Variants in RLF observed in about 807,000 individuals in gnomAD.
RLF encodes the protein zinc finger protein Rlf.
RLF carries 7 observed loss-of-function variants against 162.9 expected under a neutral mutation model. The ratio of observed to expected loss-of-function variants is 0.04; its 90% CI spans 0.02 to 0.08. The LOEUF is 0.08. Among genes scored for constraint, RLF ranks in the 10% least tolerant of loss-of-function variants. The probability of loss-of-function intolerance (pLI) is 1.00; values close to 1 mark genes in which losing one functional copy is unlikely to be tolerated. For missense variants in RLF, 1,664 were observed against 2,244.7 expected, an observed-to-expected ratio of 0.74 and a Z score of 5.23; for synonymous variants, 782 against 791.5, an observed-to-expected ratio of 0.99 and a Z score of 0.20.
rs919408825 is a variant in RLF, at chr1:40,240,245, T to C, written c.5543T>C (p.Val1848Ala). 2.5e-6 allele frequency: 4 copies of C among 1,614,200 alleles called. No homozygotes were observed. The highest frequency in any genetic ancestry group is 3.4e-6 in the Non-Finnish European group (4 of 1,180,026). Residue 1848 changes from valine (V) to alanine (A), a missense_variant, in exon 8 of 8, where the codon GTA (valine) becomes GCA (alanine). Val to Ala is a moderately conservative substitution (Grantham distance 64). Coordinates refer to ENST00000372771, the MANE Select transcript of RLF (RefSeq NM_012421.4). ...CTGACTGCAATCCCACCTTTAATAG[T>C]AGCTGAAACAACAACAGTTCCTTCC... ...ENLTAIPPLI[V>A]AETTTVPSLE...
In RLF at chr1:40,236,929, A is replaced by G. The variant is rs761311752; in HGVS notation, c.2227A>G (p.Met743Val). 1.9e-6 allele frequency: 3 copies of G among 1,614,070 alleles called. No individual in the cohort carries two copies. The highest frequency in any genetic ancestry group is 1.3e-5 in the African/African-American group (1 of 74,938). Residue 743 changes from methionine to valine, a missense_variant, in exon 8 of 8, where the codon ATG (methionine) becomes GTG (valine). Coordinates refer to ENST00000372771, the MANE Select transcript of RLF (RefSeq NM_012421.4). The surrounding 1 kb of genome is among the most constrained non-coding windows in gnomAD (Gnocchi z 7.7). ...EQVHCGPQPY[M>V]CVSIDCYARF... ...AGTGCATTGTGGGCCTCAGCCTTAT[A>G]TGTGTGTATCTATAGATTGCTATGC... is the stretch of plus-strand genomic sequence containing the variant.
At chr1:40,194,437 G>A (rs1451474366) in intron 3 of RLF, among the ~76,000 whole-genome samples, 1 of 151,936 alleles carries the variant, frequency 6.6e-6, no homozygotes, top group Admixed American at 6.6e-5. Flanking sequence ...TCAGGAGTTC[G>A]AGACCAGCCA....
intron 1 of RLF, among the ~76,000 whole-genome samples, chr1:40,167,073 T>A (rs1642177721): frequency 6.6e-6 from 1 of 152,212 alleles, no homozygotes; most frequent in Non-Finnish European, 1.5e-5. Flanking sequence ...AGACATTATT[T>A]ATCAATCTAA....
At chr1:40,208,138 A>T (rs1642820694) in intron 5 of RLF, among the ~76,000 whole-genome samples, 1 of 152,206 alleles carries the variant, frequency 6.6e-6, no homozygotes, top group Non-Finnish European at 1.5e-5. Flanking sequence ...AGTAACTTGA[A>T]TCTGAGAGGA....
intron 3 of RLF, 134 bp from the exon 4 acceptor site, chr1:40,195,498 G>A (rs931892502): frequency 3.1e-6 from 2 of 645,962 alleles, no homozygotes; most frequent in African/African-American, 3.8e-5. Context: ...TTTGAGTATA[G>A]TCTTTTTTGG....
At chr1:40,219,671 A>ATG (rs1642967599) in intron 5 of RLF, among the ~76,000 whole-genome samples, 1 of 152,212 alleles carries the variant, frequency 6.6e-6, no homozygotes, top group Non-Finnish European at 1.5e-5. Context: ...GGTAATGAAA[A>ATG]TGTGTGTGTG....
intron 7 of RLF, among the ~76,000 whole-genome samples, chr1:40,233,814 A>AGG (rs1643183704): frequency 6.6e-6 from 1 of 151,660 alleles, no homozygotes; most frequent in Admixed American, 6.6e-5. Context: ...ACTCTGTTCT[A>AGG]CTCTTTCCCC....
At chr1:40,222,454 C>T in intron 5 of RLF, 120 bp from the exon 6 acceptor site, 1 of 788,668 alleles carries the variant, frequency 1.3e-6, no homozygotes, top group Non-Finnish European at 2.0e-6. Flanking sequence ...AAGACTCATT[C>T]ATTAGCAGGA....
chr1:40,202,767 T>C (rs1642734598), intron 5 of RLF, among the ~76,000 whole-genome samples, 153 bp downstream of exon 5: 1 of 152,214 alleles, frequency 6.6e-6, no homozygotes, highest in African/African-American at 2.4e-5. Flanking sequence ...ATTTAACTGC[T>C]CGACAGATAG....
intron 7 of RLF, among the ~76,000 whole-genome samples, chr1:40,235,581 A>T (rs1188714974): frequency 6.6e-6 from 1 of 152,198 alleles, no homozygotes; most frequent in South Asian, 2.1e-4. Context: ...CACAGTGCCT[A>T]GTAAATGTAC....
intron 3 of RLF, among the ~76,000 whole-genome samples, chr1:40,194,420 C>T (rs1461257675): frequency 6.6e-6 from 1 of 151,976 alleles, no homozygotes; most frequent in Non-Finnish European, 1.5e-5. Context: ...AGGTGGATCA[C>T]CTGAGGTCAG....
rs146717003 is a variant in RLF, at chr1:40,222,585, C to T, written c.822C>T (p.Val274=). 1.9e-5 allele frequency: 31 copies of T among 1,612,722 alleles called. No individual in the cohort carries two copies. Among genetic ancestry groups the T allele is most frequent in the African/African-American group, 1.9e-4 (14 of 74,940 alleles). The change falls in exon 6 of 8, where the codon GTC becomes GTT. Residue 274 remains valine (V), a synonymous_variant. Transcript: ENST00000372771. ...NEDAIKEIAK[V]DCKEVLDIIC... is the part of the protein sequence containing the mutation. The stretch of plus-strand genomic sequence containing the variant: ...CTCATTTTTGATAGATTGCAAAGGT[C>T]GACTGCAAGGAAGTACTAGACATCA...
intron 1 of RLF, among the ~76,000 whole-genome samples, chr1:40,186,780 T>C (rs1642487334): frequency 6.6e-6 from 1 of 152,152 alleles, no homozygotes; most frequent in Non-Finnish European, 1.5e-5. Context: ...ATGAATAAAA[T>C]GGTGAATGTA....
intron 7 of RLF, 39 bp from the exon 8 acceptor site, chr1:40,235,753 A>G (rs1022526290): frequency 2.1e-6 from 3 of 1,413,084 alleles, no homozygotes; most frequent in South Asian, 1.6e-5. Flanking sequence ...ATCTTTCTGT[A>G]TGCAAAAAAA....
chr1:40,202,019 A>C (rs1264183954), intron 4 of RLF, among the ~76,000 whole-genome samples: 4 of 152,200 alleles, frequency 2.6e-5, no homozygotes, highest in Non-Finnish European at 1.5e-5. Context: ...AATCCTTGGC[A>C]AGTTACCTAA....
intron 1 of RLF, among the ~76,000 whole-genome samples, chr1:40,183,922 G>A (rs1642439050): frequency 6.6e-6 from 1 of 152,110 alleles, no homozygotes; most frequent in Non-Finnish European, 1.5e-5. Context: ...CATTAGGAAA[G>A]TTAATCCTGA....
At chr1:40,222,803 C>G in intron 6 of RLF, 93 bp downstream of exon 6, 1 of 1,044,792 alleles carries the variant, frequency 9.6e-7, no homozygotes, top group Admixed American at 2.1e-5. Context: ...TAATTTAAAA[C>G]CTAGCATGAC....
At chr1:40,232,666 A>G (rs904515207) in intron 7 of RLF, among the ~76,000 whole-genome samples, 1 of 152,268 alleles carries the variant, frequency 6.6e-6, no homozygotes, top group Admixed American at 6.5e-5. Context: ...GGGTGCAACA[A>G]GTTGGTGCTT....
Position 40,222,645 on chromosome 1 carries a change from A to G in RLF, c.882A>G (p.Thr294=), listed in dbSNP as rs181906563. ...TGGAATCTGAGGGGCAGGATAACAC[A>G]GCATTTGTTCTTTGTACGACTTACC... ...CNLESEGQDN[T]AFVLCTTYLT... The change falls in exon 6 of 8, where the codon ACA becomes ACG. Residue 294 remains threonine (T), a synonymous_variant. Coordinates refer to ENST00000372771, the MANE Select transcript of RLF (RefSeq NM_012421.4). 5 of 1,613,566 alleles carry G rather than the reference A, an allele frequency of 3.1e-6. No homozygotes were observed. The African/African-American group carries it at 6.7e-5, about 21-fold the overall frequency.
Sources: allele counts gnomAD v4.1 joint callset (sites outside exome capture counted in the v4.1 genomes callset), GRCh38; gene constraint gnomAD v4.1.1; non-coding constraint Gnocchi (gnomAD v3.1); transcripts MANE v1.5; gene names NCBI Gene and HGNC (gene_info 2026-07-23, HGNC 2026-07-21).